The following TEAD1 variants were observed in gnomAD, a reference collection of about 807,000 sequenced individuals.
The protein encoded by TEAD1 is transcriptional enhancer factor TEF-1.
Under a neutral mutation model 54.9 loss-of-function variants are expected in TEAD1, and 9 were observed. That is an observed-to-expected ratio of 0.16 (90% CI 0.10 to 0.29). The LOEUF (loss-of-function observed/expected upper bound fraction) is 0.29, where lower values mean the gene tolerates loss of function less well. TEAD1 is among the 10% of genes least tolerant of loss of function. The pLI is 1.00. For missense variants in TEAD1, 387 were observed against 535.9 expected, an observed-to-expected ratio of 0.72 and a Z score of 2.74; for synonymous variants, 200 against 187.8, an observed-to-expected ratio of 1.07 and a Z score of -0.53.
chr11:12,694,508 C>T (rs941068476), intron 2 of TEAD1, among the ~76,000 whole-genome samples: 41 of 151,500 alleles, frequency 2.7e-4, no homozygotes, highest in Non-Finnish European at 5.6e-4. Flanking sequence ...GGGAGAAACA[C>T]GAAGTTGTCT....
At chr11:12,791,539 C>A (rs1945802208) in intron 3 of TEAD1, among the ~76,000 whole-genome samples, 2 of 152,042 alleles carry the variant, frequency 1.3e-5, no homozygotes, top group African/African-American at 4.8e-5. Flanking sequence ...GACTAAGATA[C>A]CTGATCAGTA....
intron 2 of TEAD1, among the ~76,000 whole-genome samples, chr11:12,683,583 CAG>C (rs1554919537): frequency 1.4e-4 from 22 of 152,034 alleles, no homozygotes; most frequent in Non-Finnish European, 3.1e-4. Context: ...TTTGAAGGAA[CAG>C]GGGGATTTTT....
intron 9 of TEAD1, among the ~76,000 whole-genome samples, chr11:12,888,861 A>G (rs953523622): frequency 6.6e-6 from 1 of 152,224 alleles, no homozygotes; most frequent in African/African-American, 2.4e-5. Context: ...CCAAAAGGCT[A>G]TACGGTCCAT....
intron 9 of TEAD1, among the ~76,000 whole-genome samples, chr11:12,896,460 A>G (rs1948317879): frequency 6.6e-6 from 1 of 152,216 alleles, no homozygotes; most frequent in Admixed American, 6.5e-5. Flanking sequence ...GTTTTCTGAT[A>G]CCTTAAATAT....
At chr11:12,725,792 G>C (rs1412040974) in intron 2 of TEAD1, among the ~76,000 whole-genome samples, 2 of 152,168 alleles carry the variant, frequency 1.3e-5, no homozygotes. Flanking sequence ...ATGCCTGGTC[G>C]AGCTGGTTGT....
intron 5 of TEAD1, among the ~76,000 whole-genome samples, chr11:12,874,315 C>T (rs1477770429): frequency 1.3e-5 from 2 of 152,314 alleles, no homozygotes; most frequent in Non-Finnish European, 2.9e-5. Context: ...CAAGACTCCT[C>T]TGATATCCAG....
intron 5 of TEAD1, among the ~76,000 whole-genome samples, chr11:12,876,270 A>G (rs1187865366): frequency 1.3e-5 from 2 of 152,218 alleles, no homozygotes; most frequent in Admixed American, 1.3e-4. Context: ...TTCCGTTTCA[A>G]AAAAGAATAT....
chr11:12,870,178 C>T (rs1006587389), intron 5 of TEAD1, among the ~76,000 whole-genome samples: 3 of 152,178 alleles, frequency 2.0e-5, no homozygotes, highest in Non-Finnish European at 1.5e-5. Context: ...CTGCGCCCAG[C>T]CGATTTTTGC....
intron 8 of TEAD1, 88 bp from the exon 9 acceptor site, chr11:12,882,913 G>A: frequency 6.2e-7 from 1 of 1,604,804 alleles, no homozygotes; most frequent in Admixed American, 1.7e-5. Flanking sequence ...TTTCCTTCTG[G>A]GTCATCTGTA....
chr11:12,753,911 T>G (rs79984092), intron 2 of TEAD1, among the ~76,000 whole-genome samples: 3,469 of 152,308 alleles, frequency 0.023, 150 homozygotes, highest in African/African-American at 0.08. Context: ...GATTGTAAAC[T>G]ATTGTGTGTG....
At chr11:12,934,179 C>T (rs547684566) in intron 12 of TEAD1, among the ~76,000 whole-genome samples, 3 of 152,262 alleles carry the variant, frequency 2.0e-5, no homozygotes, top group East Asian at 3.9e-4. Context: ...AAATGTGGCA[C>T]ATATACATCA....
intron 3 of TEAD1, among the ~76,000 whole-genome samples, chr11:12,776,295 C>T (rs987025444): frequency 2.6e-5 from 4 of 152,188 alleles, no homozygotes; most frequent in Non-Finnish European, 5.9e-5. Flanking sequence ...AAGACGTCCA[C>T]ATCCATTCCT....
chr11:12,803,496 A>G (rs1335405695), intron 3 of TEAD1, among the ~76,000 whole-genome samples: 1 of 152,246 alleles, frequency 6.6e-6, no homozygotes, highest in East Asian at 1.9e-4. Flanking sequence ...TTTATAAGCC[A>G]TGCAATGAAG....
At chr11:12,707,328 A>C (rs774726095) in intron 2 of TEAD1, among the ~76,000 whole-genome samples, 2 of 152,000 alleles carry the variant, frequency 1.3e-5, no homozygotes, top group East Asian at 3.9e-4. Context: ...GCCTGCCTCT[A>C]TGTGTCAAAA....
intron 10 of TEAD1, among the ~76,000 whole-genome samples, chr11:12,910,731 A>G (rs1215556959): frequency 5.4e-5 from 8 of 148,626 alleles, no homozygotes; most frequent in African/African-American, 2.0e-4. Flanking sequence ...TACTGTCTAC[A>G]TAGTTACTTA....
intron 3 of TEAD1, among the ~76,000 whole-genome samples, chr11:12,827,689 C>T (rs1407404914): frequency 2.0e-5 from 3 of 152,140 alleles, no homozygotes; most frequent in African/African-American, 7.2e-5. Context: ...GGTTTTTGTC[C>T]TAGTGACAGT....
At chr11:12,688,183 C>T (rs1943374099) in intron 2 of TEAD1, among the ~76,000 whole-genome samples, 1 of 152,132 alleles carries the variant, frequency 6.6e-6, no homozygotes, top group Non-Finnish European at 1.5e-5. Context: ...ACCCAGGTGA[C>T]CAGCTTAGCC....
intron 3 of TEAD1, among the ~76,000 whole-genome samples, chr11:12,842,815 A>T (rs868741539): frequency 6.6e-6 from 1 of 152,180 alleles, no homozygotes; most frequent in South Asian, 2.1e-4. Flanking sequence ...ATATATTGAA[A>T]ACCTTCTGAC....
At chr11:12,920,094 A>G (rs1034288127) in intron 10 of TEAD1, among the ~76,000 whole-genome samples, 53 of 152,130 alleles carry the variant, frequency 3.5e-4, no homozygotes, top group African/African-American at 1.3e-3. Context: ...GGGAATTTTT[A>G]CGTTTACAAT....
Sources: allele counts gnomAD v4.1 joint callset (sites outside exome capture counted in the v4.1 genomes callset), GRCh38; gene constraint gnomAD v4.1.1; transcripts MANE v1.5; gene names NCBI Gene and HGNC (gene_info 2026-07-23, HGNC 2026-07-21).